Variants in PREX1 observed in about 807,000 individuals in gnomAD.
PREX1 encodes phosphatidylinositol-3,4,5-trisphosphate dependent Rac exchange factor 1.
In PREX1, 41 loss-of-function variants were observed where a neutral mutation model predicts 198.3. The observed-to-expected ratio is 0.21, with a 90% CI of 0.16 to 0.27. PREX1 has a LOEUF of 0.27. PREX1 is among the 10% of genes least tolerant of loss of function. The pLI is 1.00. For missense variants in PREX1, 1,620 were observed against 2,200.7 expected (o/e 0.74, Z 5.28); for synonymous variants, 843 against 887.2 (o/e 0.95, Z 0.89).
chr20:48,704,921 T>C (rs534277528), intron 6 of PREX1, among the ~76,000 whole-genome samples: 7 of 152,340 alleles, frequency 4.6e-5, no homozygotes, highest in East Asian at 1.9e-4. Context: ...TGGAAGTCCA[T>C]GCGGCTGCAT....
intron 1 of PREX1, among the ~76,000 whole-genome samples, chr20:48,825,330 C>A (rs1225967314): frequency 6.6e-6 from 1 of 152,142 alleles, no homozygotes; most frequent in African/African-American, 2.4e-5. Flanking sequence ...CCTTGTTTCA[C>A]AGGTGGGGAA....
At chr20:48,851,281 C>T in the PREX1 span, among the ~76,000 whole-genome samples, 15,352 of 152,192 alleles carry the variant, frequency 0.1, 882 homozygotes, top group Middle Eastern at 0.16. Context: ...CTGAAGCGGG[C>T]GGATCTCTTG....
chr20:48,696,610 T>C (rs143208168), intron 7 of PREX1, among the ~76,000 whole-genome samples: 55 of 32,800 alleles, frequency 1.7e-3, no homozygotes, highest in South Asian at 7.3e-3. Flanking sequence ...CACACACACA[T>C]ACATACATAC....
At chr20:48,726,263 G>T in intron 5 of PREX1, 27 bp downstream of exon 5, 2 of 1,578,586 alleles carry the variant, frequency 1.3e-6, no homozygotes, top group Non-Finnish European at 1.7e-6. Context: ...AGAGTTTTCT[G>T]TCACTTCAAA....
the PREX1 span, among the ~76,000 whole-genome samples, chr20:48,879,085 A>T: frequency 1.3e-5 from 2 of 152,136 alleles, no homozygotes; most frequent in Non-Finnish European, 2.9e-5. Flanking sequence ...TTTCAGTTAC[A>T]TATTGTAGTA....
intron 1 of PREX1, among the ~76,000 whole-genome samples, chr20:48,751,557 G>T (rs2090134208): frequency 6.6e-6 from 1 of 152,204 alleles, no homozygotes; most frequent in Non-Finnish European, 1.5e-5. Context: ...GCTGCCCAAG[G>T]CACGACTGGC....
chr20:48,734,510 G>A (rs1275782063), intron 4 of PREX1, 36 bp downstream of exon 4: 1 of 1,571,138 alleles, frequency 6.4e-7, no homozygotes, highest in East Asian at 2.2e-5. Flanking sequence ...ATGAGGCCGA[G>A]TGCAAGGGAG....
chr20:48,792,551 C>A (rs2090343152), intron 1 of PREX1, among the ~76,000 whole-genome samples: 2 of 152,120 alleles, frequency 1.3e-5, no homozygotes, highest in African/African-American at 4.8e-5. Flanking sequence ...TGAACTCACT[C>A]AATCGTCCCA....
intron 7 of PREX1, among the ~76,000 whole-genome samples, chr20:48,697,360 G>C (rs1449569477): frequency 1.4e-5 from 2 of 146,864 alleles, no homozygotes; most frequent in Non-Finnish European, 3.0e-5. Flanking sequence ...AGTAAGCAGA[G>C]CCTCTGTGTT....
intron 1 of PREX1, among the ~76,000 whole-genome samples, chr20:48,751,692 C>T (rs112444529): frequency 2.3e-4 from 35 of 152,290 alleles, no homozygotes; most frequent in African/African-American, 7.9e-4. Flanking sequence ...CTCTCATCTC[C>T]GAAGCCTCCC....
chr20:48,820,940 C>T (rs1274034409), intron 1 of PREX1, among the ~76,000 whole-genome samples: 2 of 152,224 alleles, frequency 1.3e-5, no homozygotes, highest in Admixed American at 6.5e-5. Flanking sequence ...TGGCTCACGC[C>T]TATAATCCCA....
At chr20:48,865,707 G>A in the PREX1 span, among the ~76,000 whole-genome samples, 13 of 152,264 alleles carry the variant, frequency 8.5e-5, no homozygotes, top group Middle Eastern at 3.4e-3. Flanking sequence ...TTCCTTAACT[G>A]TAAAATTGGA....
chr20:48,744,921 C>T (rs980392962), intron 3 of PREX1, 104 bp downstream of exon 3: 1 of 1,434,804 alleles, frequency 7.0e-7, no homozygotes, highest in South Asian at 1.4e-5. Context: ...ATCTCCCAGA[C>T]AGGCCTACAG....
chr20:48,814,481 G>A lies in PREX1; in HGVS notation c.219+13161C>T, dbSNP rs546960152. 6.9e-4 allele frequency among the ~76,000 whole-genome samples: 105 copies of A among 152,198 alleles called. 1 individual carries two copies. The highest frequency in any genetic ancestry group is 1.1e-3 in the Non-Finnish European group (74 of 68,030). On this transcript the variant is annotated intron_variant, in intron 1 of 39. Coordinates refer to ENST00000371941, the MANE Select transcript of PREX1 (RefSeq NM_020820.4). ...AGGGGGGTCCTTGGTACAAATCAGG[G>A]TTCCAAGAGCTCCAGGTAATAGGAA...
chr20:48,700,775 C>G lies in PREX1; in HGVS notation c.895G>C (p.Val299Leu). 1 of 1,613,402 alleles carries G rather than the reference C, an allele frequency of 6.2e-7. No homozygotes were observed. The highest frequency in any genetic ancestry group is 1.1e-5 in the South Asian group (1 of 91,036). ...CACCTGGATTTCCGCTTGCAGTAGA[C>G]GAGAAGGTTGTCGAAGAGGAAGAAG... ...RAFFLFDNLLVYCKRKSRVTG... is the reference protein window; with the variant it reads ...RAFFLFDNLLLYCKRKSRVTG... Residue 299 changes from valine (V) to leucine (L), a missense_variant, in exon 7 of 40, where the codon GTC (valine) becomes CTC (leucine). Val to Leu is a conservative substitution (Grantham distance 32). Coordinates refer to ENST00000371941, the MANE Select transcript of PREX1 (RefSeq NM_020820.4).
chr20:48,644,354 A>G (rs2089435740), intron 27 of PREX1, 55 bp downstream of exon 27: 2 of 1,434,630 alleles, frequency 1.4e-6, no homozygotes, highest in Non-Finnish European at 1.9e-6. Flanking sequence ...CTAAAACTAA[A>G]TCTCATGGGG....
intron 21 of PREX1, 36 bp from the exon 22 acceptor site, chr20:48,651,619 C>A: frequency 6.3e-7 from 1 of 1,588,152 alleles, no homozygotes; most frequent in Non-Finnish European, 8.6e-7. Flanking sequence ...GAGCAGAGAT[C>A]AGAGGGAGGG....
chr20:48,647,519 C>CAAAAAAA (rs765244255), intron 25 of PREX1, among the ~76,000 whole-genome samples: 10 of 49,608 alleles, frequency 2.0e-4, no homozygotes, highest in African/African-American at 3.8e-4. Flanking sequence ...GACAACATCT[C>CAAAAAAA]AAAAAAAAAA....
At chr20:48,642,611 G>T in intron 27 of PREX1, 122 bp from the exon 28 acceptor site, 1 of 849,354 alleles carries the variant, frequency 1.2e-6, no homozygotes. Flanking sequence ...TGTGGAGTCT[G>T]AAGACCAGGT....
Sources: allele counts gnomAD v4.1 joint callset (sites outside exome capture counted in the v4.1 genomes callset), GRCh38; gene constraint gnomAD v4.1.1; transcripts MANE v1.5; gene names NCBI Gene and HGNC (gene_info 2026-07-23, HGNC 2026-07-21).